The following SMYD3 variants were observed in gnomAD, a reference collection of about 807,000 sequenced individuals.
SMYD3 encodes histone-lysine N-methyltransferase SMYD3.
Under a neutral mutation model 57.7 loss-of-function variants are expected in SMYD3, and 36 were observed. The observed-to-expected ratio is 0.62, with a 90% CI of 0.48 to 0.82. The LOEUF (loss-of-function observed/expected upper bound fraction) is 0.82. Ranked by LOEUF, SMYD3 falls within the 40% of genes least tolerant of loss-of-function variation. The probability of loss-of-function intolerance (pLI) is 0.00; values close to 1 mark genes in which losing one functional copy is unlikely to be tolerated. For missense variants in SMYD3, 515 were observed against 538.8 expected (o/e 0.96, Z 0.44); for synonymous variants, 211 against 195.0 (o/e 1.08, Z -0.68).
intron 1 of SMYD3, among the ~76,000 whole-genome samples, chr1:246,497,056 T>A (rs1302060208): frequency 6.6e-6 from 1 of 152,230 alleles, no homozygotes; most frequent in Non-Finnish European, 1.5e-5. Flanking sequence ...ACAAGTGGCC[T>A]TTATTTTTTC....
intron 5 of SMYD3, among the ~76,000 whole-genome samples, chr1:246,101,445 C>T (rs1558229341): frequency 1.3e-5 from 2 of 152,216 alleles, no homozygotes; most frequent in East Asian, 3.9e-4. Context: ...TCTGCCAATC[C>T]CCATCCACAT....
intron 2 of SMYD3, among the ~76,000 whole-genome samples, chr1:246,342,739 T>C (rs1427791285): frequency 6.6e-6 from 1 of 152,024 alleles, no homozygotes; most frequent in Non-Finnish European, 1.5e-5. Flanking sequence ...GCCATGAAAA[T>C]GGTCTTAGGG....
rs1210828540 is a variant in SMYD3, at chr1:246,202,013, T to G, written c.531+125188A>C. Reference sequence around the variant, plus strand: ...GGGCAACAGAGACTCTGTCTCAATTTAAAAAAAAAAAACAAAAAAAAGCCA... The same window carrying G: ...GGGCAACAGAGACTCTGTCTCAATTGAAAAAAAAAAAACAAAAAAAAGCCA... On this transcript the variant is annotated intron_variant, in intron 5 of 11. Coordinates refer to ENST00000490107, the MANE Select transcript of SMYD3 (RefSeq NM_001167740.2). The surrounding 1 kb of genome is among the most constrained non-coding windows in gnomAD (Gnocchi z 4.1). Among the ~76,000 whole-genome samples the G allele has an allele frequency of 7.4e-6, 1 of 134,840 alleles. No individual in the cohort carries two copies. Among genetic ancestry groups the G allele is most frequent in the African/African-American group, 2.7e-5 (1 of 37,074 alleles). 88.5% of individuals were successfully genotyped at this position (134,840 alleles called of 152,430 possible). A position where few individuals can be genotyped will look rare whatever the true frequency, so the allele number is the denominator to read the frequency against.
chr1:246,082,360 A>G (rs558080808), intron 5 of SMYD3, among the ~76,000 whole-genome samples: 1 of 152,282 alleles, frequency 6.6e-6, no homozygotes, highest in African/African-American at 2.4e-5. Flanking sequence ...TGGTCTTTCG[A>G]AACGTTTTTC....
intron 5 of SMYD3, among the ~76,000 whole-genome samples, chr1:246,287,873 T>G (rs752443195): frequency 7.2e-5 from 11 of 152,094 alleles, no homozygotes; most frequent in Non-Finnish European, 1.5e-4. Flanking sequence ...AAAACACTAA[T>G]TTTTAAAATG....
intron 5 of SMYD3, among the ~76,000 whole-genome samples, chr1:246,196,727 C>T (rs2062834397): frequency 6.6e-6 from 1 of 152,140 alleles, no homozygotes; most frequent in African/African-American, 2.4e-5. Flanking sequence ...CTTAGTATAG[C>T]AGCTCAAGCA....
intron 5 of SMYD3, among the ~76,000 whole-genome samples, chr1:246,141,468 T>C (rs1327916382): frequency 1.9e-5 from 2 of 104,434 alleles, no homozygotes; most frequent in South Asian, 2.6e-4. Flanking sequence ...TAAGCACACC[T>C]TGACAGATGG....
chr1:246,250,705 C>T (rs1370228833), intron 5 of SMYD3, among the ~76,000 whole-genome samples: 2 of 152,092 alleles, frequency 1.3e-5, no homozygotes, highest in Non-Finnish European at 2.9e-5. Flanking sequence ...ATTACTTTGA[C>T]GTACATCTTT....
intron 8 of SMYD3, among the ~76,000 whole-genome samples, chr1:245,912,937 T>C (rs972454215): frequency 7.2e-5 from 11 of 152,186 alleles, no homozygotes; most frequent in Admixed American, 1.3e-4. Context: ...GTTCAACCAT[T>C]GTGGAAAACA....
At chr1:246,190,048 C>T (rs1024263813) in intron 5 of SMYD3, among the ~76,000 whole-genome samples, 1 of 152,192 alleles carries the variant, frequency 6.6e-6, no homozygotes, top group Non-Finnish European at 1.5e-5. Flanking sequence ...CACCTCCTAT[C>T]TGAGGAAGGA....
intron 8 of SMYD3, among the ~76,000 whole-genome samples, chr1:245,881,981 T>A (rs1400265794): frequency 6.6e-6 from 1 of 152,186 alleles, no homozygotes; most frequent in Non-Finnish European, 1.5e-5. Context: ...CACAGGGGCC[T>A]GCTGGTCTTG....
intron 5 of SMYD3, among the ~76,000 whole-genome samples, chr1:246,066,424 A>T (rs1051419675): frequency 1.3e-5 from 2 of 151,834 alleles, no homozygotes; most frequent in African/African-American, 4.9e-5. Flanking sequence ...AATATTTTTT[A>T]CATTACAATT....
intron 8 of SMYD3, among the ~76,000 whole-genome samples, chr1:245,914,724 A>C (rs2147771639): frequency 6.6e-6 from 1 of 152,324 alleles, no homozygotes; most frequent in East Asian, 1.9e-4. Context: ...GTATATTCTC[A>C]AAACGCTAAA....
At chr1:246,418,710 G>A (rs1383260830) in intron 1 of SMYD3, among the ~76,000 whole-genome samples, 5 of 152,066 alleles carry the variant, frequency 3.3e-5, no homozygotes, top group Non-Finnish European at 4.4e-5. Flanking sequence ...TCGGGCGCTC[G>A]GTGACCTGGG....
chr1:246,282,340 A>AG (rs2064467157), intron 5 of SMYD3, among the ~76,000 whole-genome samples: 3 of 120,708 alleles, frequency 2.5e-5, no homozygotes, highest in African/African-American at 3.4e-5. Flanking sequence ...AAAAAAAAAA[A>AG]GCAAAAAAAT....
At chr1:245,915,174 T>C (rs4654168) in intron 8 of SMYD3, among the ~76,000 whole-genome samples, 101,101 of 152,096 alleles carry the variant, frequency 0.66, 40,181 homozygotes, top group Non-Finnish European at 0.89. Flanking sequence ...TGGTATGTTG[T>C]TTACCGAGCA....
chr1:245,884,785 T>C (rs527710858), intron 8 of SMYD3, among the ~76,000 whole-genome samples: 2 of 151,302 alleles, frequency 1.3e-5, no homozygotes, highest in South Asian at 2.1e-4. Flanking sequence ...AGCTAAAGGA[T>C]TGTAAACGGA....
intron 5 of SMYD3, among the ~76,000 whole-genome samples, chr1:246,049,035 T>C (rs972967199): frequency 6.6e-6 from 1 of 152,066 alleles, no homozygotes; most frequent in Admixed American, 6.6e-5. Context: ...AAGGAGACCA[T>C]AGCAGGCATG....
At chr1:246,110,217 C>T (rs2061209383) in intron 5 of SMYD3, among the ~76,000 whole-genome samples, 1 of 152,172 alleles carries the variant, frequency 6.6e-6, no homozygotes, top group African/African-American at 2.4e-5. Flanking sequence ...TCTGTCTTGG[C>T]TCAGCGTCTA....
Sources: allele counts gnomAD v4.1 joint callset (sites outside exome capture counted in the v4.1 genomes callset), GRCh38; gene constraint gnomAD v4.1.1; non-coding constraint Gnocchi (gnomAD v3.1); transcripts MANE v1.5; gene names NCBI Gene and HGNC (gene_info 2026-07-23, HGNC 2026-07-21).